TESK2: variants seen among roughly 807,000 people sequenced by gnomAD.
The protein encoded by TESK2 is testis associated actin remodelling kinase 2.
TESK2 carries 39 observed loss-of-function variants against 57.1 expected under a neutral mutation model. The observed-to-expected ratio is 0.68, with a 90% confidence interval of 0.53 to 0.89. TESK2 has a LOEUF of 0.89. Ranked by LOEUF, TESK2 falls within the 40% of genes least tolerant of loss-of-function variation. TESK2 has a pLI of 0.00. For synonymous variants in TESK2, 249 were observed against 267.9 expected, an observed-to-expected ratio of 0.93 and a Z score of 0.69; for missense variants, 646 against 732.1, an observed-to-expected ratio of 0.88 and a Z score of 1.36.
chr1:45,451,427 A>G (rs1651863485), intron 2 of TESK2, among the ~76,000 whole-genome samples: 1 of 152,158 alleles, frequency 6.6e-6, no homozygotes, highest in South Asian at 2.1e-4. Flanking sequence ...AGTAAATATG[A>G]GTGCAAAAGT....
chr1:45,357,927 A>G (rs1266091130), intron 4 of TESK2, among the ~76,000 whole-genome samples: 1 of 147,664 alleles, frequency 6.8e-6, no homozygotes, highest in Non-Finnish European at 1.5e-5. Flanking sequence ...TCGCTTGAAC[A>G]CGGGAGATGG....
chr1:45,488,201 T>C (rs57910611), intron 1 of TESK2, among the ~76,000 whole-genome samples: 9,753 of 152,178 alleles, frequency 0.064, 1,032 homozygotes, highest in African/African-American at 0.22. Flanking sequence ...AAATCCAAAG[T>C]GAGCCACTAC....
In TESK2 at chr1:45,395,908, G is replaced by A. The variant is rs187405794; in HGVS notation, c.345-9948C>T. Among the ~76,000 whole-genome samples, 50 of 152,084 alleles carry A rather than the reference G, an allele frequency of 3.3e-4. 1 individual carries two copies. Among genetic ancestry groups the A allele is most frequent in the African/African-American group, 1.0e-3 (42 of 41,532 alleles). On this transcript the variant is annotated intron_variant, in intron 3 of 10. Transcript: ENST00000372086. ...GCCTGGCATATGACAATATATAAACGCTTGTTAGTCTTTCTCTGAAGGAGG... is the reference window on the plus strand; with the variant it reads ...GCCTGGCATATGACAATATATAAACACTTGTTAGTCTTTCTCTGAAGGAGG...
At chr1:45,457,518 T>C (rs372750172) in intron 2 of TESK2, 46 bp downstream of exon 2, 12 of 1,566,108 alleles carry the variant, frequency 7.7e-6, no homozygotes, top group African/African-American at 4.1e-5. Context: ...CTGCAGTAAA[T>C]GTGACCACAG....
chr1:45,485,203 T>TG (rs1338910046), intron 1 of TESK2, among the ~76,000 whole-genome samples: 1 of 150,752 alleles, frequency 6.6e-6, no homozygotes, highest in Non-Finnish European at 1.5e-5. Context: ...TTTTGTTTTT[T>TG]TTTGAGATGG....
At position 45,355,443 on chromosome 1, in the gene TESK2, T is replaced by C. The variant is rs373794514; in HGVS notation, c.400A>G (p.Asn134Asp). 57 of 1,606,042 alleles carry C rather than the reference T, an allele frequency of 3.5e-5. 5 individuals carry two copies. Among genetic ancestry groups the C allele is most frequent in the Non-Finnish European group, 5.1e-6 (6 of 1,177,560 alleles). Reference protein sequence around the residue: ...GQLHALTEYINSGNLEQLLDS... With the variant: ...GQLHALTEYIDSGNLEQLLDS... Reference sequence around the variant, plus strand: ...AGCAACTGTTCCAGGTTCCCGGAGTTGATATACTGCAAAACAGAAGGAAAA... The same window carrying C: ...AGCAACTGTTCCAGGTTCCCGGAGTCGATATACTGCAAAACAGAAGGAAAA... The change falls in exon 5 of 11, where the codon AAC (asparagine) becomes GAC (aspartate). Residue 134 changes from asparagine (N) to aspartate (D), a missense_variant. Transcript: ENST00000372086.
chr1:45,437,731 T>C (rs749207536), intron 2 of TESK2, among the ~76,000 whole-genome samples: 8 of 152,152 alleles, frequency 5.3e-5, no homozygotes, highest in Non-Finnish European at 8.8e-5. Context: ...CTATGACTAG[T>C]TTGTTGAGAG....
chr1:45,440,608 C>T (rs1209249910), intron 2 of TESK2, among the ~76,000 whole-genome samples: 1 of 151,662 alleles, frequency 6.6e-6, no homozygotes, highest in Non-Finnish European at 1.5e-5. Flanking sequence ...CCCAGCTACC[C>T]AGGAGGCTGA....
In TESK2 at chr1:45,457,553, GACTC is replaced by G; in HGVS notation, c.222+7_222+10del. The stretch of plus-strand genomic sequence containing the variant: ...GCAAGACAATATGAGAAAAGCTGAA[GACTC>G]ACTCACCTTGAACACTTCAGAAAAG... On this transcript the variant is annotated splice_region_variant and intron_variant, in intron 2 of 10. Transcript: ENST00000372086. The G allele has an allele frequency of 1.9e-6, 3 of 1,610,584 alleles. No homozygotes were observed. Among genetic ancestry groups the G allele is most frequent in the Non-Finnish European group, 2.5e-6 (3 of 1,177,154 alleles).
intron 1 of TESK2, among the ~76,000 whole-genome samples, chr1:45,478,805 C>A (rs1653100714): frequency 6.6e-6 from 1 of 151,700 alleles, no homozygotes; most frequent in Non-Finnish European, 1.5e-5. Context: ...CTCACTGCAA[C>A]CTCTGCCTCC....
intron 4 of TESK2, among the ~76,000 whole-genome samples, chr1:45,376,892 T>C (rs1360057625): frequency 6.6e-6 from 1 of 152,166 alleles, no homozygotes; most frequent in Non-Finnish European, 1.5e-5. Flanking sequence ...TCAGGTGTGC[T>C]TGATGATGAT....
intron 1 of TESK2, among the ~76,000 whole-genome samples, chr1:45,488,712 G>A (rs190921711): frequency 6.6e-6 from 1 of 152,306 alleles, no homozygotes; most frequent in East Asian, 1.9e-4. Flanking sequence ...AGTTTCACTA[G>A]AACCAGCTCT....
At chr1:45,401,198 A>G (rs903756307) in intron 3 of TESK2, among the ~76,000 whole-genome samples, 4 of 151,930 alleles carry the variant, frequency 2.6e-5, no homozygotes, top group African/African-American at 9.7e-5. Flanking sequence ...GAAGTTTGAG[A>G]CCAGCCTGAC....
chr1:45,422,780 T>TTGTTGTTGTTGTTGTTGTTG (rs1234266587), intron 2 of TESK2, among the ~76,000 whole-genome samples: 63 of 10,244 alleles, frequency 6.1e-3, no homozygotes, highest in East Asian at 0.026. Flanking sequence ...TGTTGTTGTT[T>TTGTTGTTGTTGTTGTTGTTG]TTGTTTTGAG....
intron 3 of TESK2, among the ~76,000 whole-genome samples, chr1:45,386,209 G>A (rs1648886379): frequency 1.3e-5 from 2 of 151,970 alleles, no homozygotes; most frequent in Non-Finnish European, 2.9e-5. Flanking sequence ...GGCAGGTGTG[G>A]TGGCATGCGC....
chr1:45,383,904 A>T (rs890198354), intron 4 of TESK2, among the ~76,000 whole-genome samples: 3 of 152,148 alleles, frequency 2.0e-5, no homozygotes, highest in Non-Finnish European at 4.4e-5. Flanking sequence ...GGTACTTTTC[A>T]TATGTATACT....
chr1:45,388,267 T>C (rs746093988), intron 3 of TESK2, among the ~76,000 whole-genome samples: 63 of 152,234 alleles, frequency 4.1e-4, no homozygotes, highest in Non-Finnish European at 7.1e-4. Flanking sequence ...TTAAATTGTA[T>C]ACATGAACTG....
At chr1:45,347,866 T>C in intron 6 of TESK2, 52 bp downstream of exon 6, 1 of 1,523,260 alleles carries the variant, frequency 6.6e-7, no homozygotes, top group Non-Finnish European at 9.1e-7. Context: ...GAATTTTCCC[T>C]TAGCTTCAGC....
At chr1:45,425,799 C>T (rs1177842719) in intron 2 of TESK2, among the ~76,000 whole-genome samples, 1 of 152,030 alleles carries the variant, frequency 6.6e-6, no homozygotes, top group Non-Finnish European at 1.5e-5. Context: ...AGATACTAAA[C>T]TTTCTATGGA....
Sources: gnomAD v4.1 joint callset for allele counts (sites outside exome capture counted in the v4.1 genomes callset) on GRCh38, gnomAD v4.1.1 for gene constraint, MANE v1.5 for transcripts, NCBI Gene and HGNC (gene_info 2026-07-23, HGNC 2026-07-21) for gene names.